The following KCNB2 variants were observed in gnomAD, a reference collection of about 807,000 sequenced individuals.
KCNB2 encodes delayed rectifier potassium channel protein.
Under a neutral mutation model 61.5 loss-of-function variants are expected in KCNB2, and 15 were observed. The ratio of observed to expected loss-of-function variants is 0.24; its 90% CI spans 0.16 to 0.38. The LOEUF is 0.38. KCNB2 is among the 10% of genes least tolerant of loss of function. The probability of loss-of-function intolerance (pLI) is 1.00; values close to 1 mark genes in which losing one functional copy is unlikely to be tolerated. For synonymous variants in KCNB2, 457 were observed against 446.0 expected (o/e 1.02, Z -0.31); for missense variants, 828 against 1,125.2 (o/e 0.74, Z 3.78).
At chr8:72,605,931 A>G (rs1003185729) in intron 2 of KCNB2, among the ~76,000 whole-genome samples, 7 of 152,142 alleles carry the variant, frequency 4.6e-5, no homozygotes, top group Non-Finnish European at 1.0e-4. Flanking sequence ...TAACCCAGCA[A>G]TTGAAAAAAA....
At chr8:72,810,050 A>G (rs1025453300) in intron 2 of KCNB2, among the ~76,000 whole-genome samples, 1 of 152,154 alleles carries the variant, frequency 6.6e-6, no homozygotes, top group Non-Finnish European at 1.5e-5. Flanking sequence ...TACCTGTACA[A>G]CCAAGAGGCC....
At chr8:72,794,791 C>T (rs977021426) in intron 2 of KCNB2, among the ~76,000 whole-genome samples, 2 of 152,024 alleles carry the variant, frequency 1.3e-5, no homozygotes, top group Non-Finnish European at 2.9e-5. Flanking sequence ...TTTAGAAGCC[C>T]CCATTATGTA....
intron 2 of KCNB2, among the ~76,000 whole-genome samples, chr8:72,773,507 A>T (rs1808596898): frequency 2.0e-5 from 3 of 152,188 alleles, no homozygotes; most frequent in African/African-American, 7.2e-5. Flanking sequence ...ACTAACATAG[A>T]TTACATTAGG....
chr8:72,745,851 T>C (rs1808054334), intron 2 of KCNB2, among the ~76,000 whole-genome samples: 1 of 152,124 alleles, frequency 6.6e-6, no homozygotes, highest in Non-Finnish European at 1.5e-5. Flanking sequence ...CTGAGTCACT[T>C]CATTTGCATA....
chr8:72,673,345 T>A (rs1353619410), intron 2 of KCNB2, among the ~76,000 whole-genome samples: 1 of 152,192 alleles, frequency 6.6e-6, no homozygotes, highest in Non-Finnish European at 1.5e-5. Context: ...AGTGAGTTAG[T>A]TCTCATGAAA....
chr8:72,563,060 GT>G (rs1806562055), intron 1 of KCNB2, among the ~76,000 whole-genome samples: 1 of 152,160 alleles, frequency 6.6e-6, no homozygotes, highest in South Asian at 2.1e-4. Flanking sequence ...TCTGAAGGTA[GT>G]TTGTTTCAAG....
intron 2 of KCNB2, among the ~76,000 whole-genome samples, chr8:72,608,288 C>T (rs1351159568): frequency 6.6e-6 from 1 of 152,058 alleles, no homozygotes; most frequent in African/African-American, 2.4e-5. Flanking sequence ...GGCAGAGAGG[C>T]AGGCAGAGGC....
At chr8:72,715,441 C>T (rs1470593120) in intron 2 of KCNB2, among the ~76,000 whole-genome samples, 1 of 152,074 alleles carries the variant, frequency 6.6e-6, no homozygotes, top group Non-Finnish European at 1.5e-5. Flanking sequence ...TGTAAAAGAA[C>T]AGAAATTATA....
chr8:72,919,672 G>T (rs191109511), intron 2 of KCNB2, among the ~76,000 whole-genome samples: 1 of 152,154 alleles, frequency 6.6e-6, no homozygotes, highest in Non-Finnish European at 1.5e-5. Context: ...GACCAAGTGA[G>T]GATCCCTAGC....
chr8:72,648,062 C>A (rs924383796), intron 2 of KCNB2, among the ~76,000 whole-genome samples: 1 of 152,032 alleles, frequency 6.6e-6, no homozygotes, highest in South Asian at 2.1e-4. Context: ...CTTTTGCAAA[C>A]GAGAGCTCAA....
chr8:72,931,112 G>A (rs1806773464), intron 2 of KCNB2, among the ~76,000 whole-genome samples: 2 of 152,282 alleles, frequency 1.3e-5, no homozygotes, highest in South Asian at 4.1e-4. Flanking sequence ...AGTTGTAGAT[G>A]TGTGGTATTA....
chr8:72,871,924 G>A (rs1284356972), intron 2 of KCNB2, among the ~76,000 whole-genome samples: 1 of 152,188 alleles, frequency 6.6e-6, no homozygotes, highest in Non-Finnish European at 1.5e-5. Context: ...ATTCACTAGT[G>A]ATTCTTGCTA....
At chr8:72,582,749 A>C (rs567904892) in intron 2 of KCNB2, among the ~76,000 whole-genome samples, 5 of 152,074 alleles carry the variant, frequency 3.3e-5, no homozygotes, top group Non-Finnish European at 7.4e-5. Context: ...AGTAGCTGGG[A>C]CTATAGATGA....
chr8:72,859,272 T>A (rs1279169689), intron 2 of KCNB2, among the ~76,000 whole-genome samples: 3 of 152,262 alleles, frequency 2.0e-5, no homozygotes, highest in Middle Eastern at 3.4e-3. Flanking sequence ...GCAAACAAAG[T>A]GGGGAAGTGT....
At chr8:72,841,453 T>A (rs1585924612) in intron 2 of KCNB2, among the ~76,000 whole-genome samples, 1 of 151,364 alleles carries the variant, frequency 6.6e-6, no homozygotes, top group Admixed American at 6.6e-5. Flanking sequence ...AAAGCAGTTT[T>A]TTCCAATTCT....
At chr8:72,589,355 A>G (rs1434549560) in intron 2 of KCNB2, among the ~76,000 whole-genome samples, 1 of 152,184 alleles carries the variant, frequency 6.6e-6, no homozygotes, top group Non-Finnish European at 1.5e-5. Flanking sequence ...TAAAAAAAGA[A>G]AAAAAGAAAA....
intron 2 of KCNB2, among the ~76,000 whole-genome samples, chr8:72,778,776 G>GAAAAAAA (rs1808706578): frequency 1.4e-5 from 1 of 72,838 alleles, no homozygotes; most frequent in Non-Finnish European, 2.9e-5. Context: ...AAGAAAGAAA[G>GAAAAAAA]AAAAAGAAAA....
intron 2 of KCNB2, among the ~76,000 whole-genome samples, chr8:72,840,979 A>G (rs1809873778): frequency 6.6e-6 from 1 of 152,192 alleles, no homozygotes; most frequent in Admixed American, 6.5e-5. Context: ...ATCTTTGCCC[A>G]TGCCTATGTC....
chr8:72,829,967 A>G (rs1215499612), intron 2 of KCNB2, among the ~76,000 whole-genome samples: 14 of 147,498 alleles, frequency 9.5e-5, no homozygotes, highest in Middle Eastern at 7.0e-3. Flanking sequence ...GAAATGGAGG[A>G]AAAAAGCTGC....
Sources: gnomAD v4.1 joint callset for allele counts (sites outside exome capture counted in the v4.1 genomes callset) on GRCh38, gnomAD v4.1.1 for gene constraint, MANE v1.5 for transcripts, NCBI Gene and HGNC (gene_info 2026-07-23, HGNC 2026-07-21) for gene names.